Variants in CEP250 observed in about 807,000 individuals in gnomAD.
The protein encoded by CEP250 is centrosomal protein 250.
In CEP250, 242 loss-of-function variants were observed where a neutral mutation model predicts 315.7. The observed-to-expected ratio is 0.77, with a 90% CI of 0.69 to 0.85. The LOEUF (loss-of-function observed/expected upper bound fraction) is 0.85, where lower values mean the gene tolerates loss of function less well. CEP250 is among the 40% of genes least tolerant of loss of function. The probability of loss-of-function intolerance (pLI) is 0.00; values close to 1 mark genes in which losing one functional copy is unlikely to be tolerated. For missense variants in CEP250, 2,515 were observed against 2,886.4 expected (o/e 0.87, Z 2.95); for synonymous variants, 1,088 against 1,175.0 (o/e 0.93, Z 1.51).
intron 24 of CEP250, among the ~76,000 whole-genome samples, chr20:35,496,330 C>CT (rs907277490): frequency 1.3e-5 from 2 of 151,732 alleles, no homozygotes; most frequent in African/African-American, 4.8e-5. Context: ...GAGCAAGACT[C>CT]TGTCTCAATA....
At chr20:35,499,900 A>T (rs2063953633) in intron 27 of CEP250, 149 bp from the exon 28 acceptor site, 1 of 871,724 alleles carries the variant, frequency 1.1e-6, no homozygotes, top group Non-Finnish European at 1.8e-6. Flanking sequence ...CTAAATACAC[A>T]TGTGTTTAAA....
At chr20:35,505,151 G>C (rs1193124002) in intron 30 of CEP250, 146 bp downstream of exon 30, 14 of 670,070 alleles carry the variant, frequency 2.1e-5, no homozygotes, top group Non-Finnish European at 3.5e-5. Flanking sequence ...TGGGATTCAG[G>C]CTACTGTGCT....
chr20:35,482,114 G>A (rs1216255206), intron 20 of CEP250, among the ~76,000 whole-genome samples: 1 of 151,632 alleles, frequency 6.6e-6, no homozygotes, highest in Non-Finnish European at 1.5e-5. Context: ...GATTCACTAA[G>A]TAAAACATTC....
intron 7 of CEP250, among the ~76,000 whole-genome samples, chr20:35,466,740 C>T (rs17332368): frequency 0.023 from 3,479 of 152,286 alleles, 60 homozygotes; most frequent in Non-Finnish European, 0.035. Flanking sequence ...CTTTTCTAAT[C>T]TGGCCCAGAG....
intron 9 of CEP250, among the ~76,000 whole-genome samples, chr20:35,467,941 C>CTT (rs1421312559): frequency 5.1e-5 from 6 of 118,448 alleles, no homozygotes; most frequent in African/African-American, 2.3e-4. Flanking sequence ...CAAATATTAC[C>CTT]TCTTTTTTTT....
intron 11 of CEP250, 91 bp from the exon 12 acceptor site, chr20:35,472,582 C>T: frequency 2.3e-6 from 3 of 1,306,568 alleles, no homozygotes; most frequent in Non-Finnish European, 3.2e-6. Context: ...AGAAGGAAAA[C>T]ATCAGGTTTG....
At chr20:35,472,636 G>T (rs2063053548) in intron 11 of CEP250, 37 bp from the exon 12 acceptor site, 1 of 1,611,020 alleles carries the variant, frequency 6.2e-7, no homozygotes, top group Admixed American at 1.7e-5. Context: ...CTAGGCTTTG[G>T]TCAGTAGGGT....
chr20:35,494,582 A>G lies in CEP250; in HGVS notation c.3092A>G (p.Gln1031Arg), dbSNP rs754685691. The G allele has an allele frequency of 6.2e-7, 1 of 1,614,156 alleles. No homozygotes were observed. Among genetic ancestry groups the G allele is most frequent in the Non-Finnish European group, 8.5e-7 (1 of 1,180,024 alleles). Reference sequence around the variant, plus strand: ...GATGACTCCCAGAGGCTGGTGGAGCAGGAGGTTCAGGAGAAGCTGAGAGAG... The same window carrying G: ...GATGACTCCCAGAGGCTGGTGGAGCGGGAGGTTCAGGAGAAGCTGAGAGAG... ...AQDDSQRLVE[Q>R]EVQEKLRETQ... is the part of the protein sequence containing the mutation. The change falls in exon 24 of 35, where the codon CAG becomes CGG. Residue 1031 changes from glutamine to arginine, a missense_variant. Coordinates refer to ENST00000397527, the MANE Select transcript of CEP250 (RefSeq NM_007186.6).
chr20:35,482,788 C>T (rs2063388844), intron 20 of CEP250, among the ~76,000 whole-genome samples: 2 of 147,000 alleles, frequency 1.4e-5, no homozygotes, highest in South Asian at 4.4e-4. Flanking sequence ...TCTCAAACTC[C>T]TGGGCTCAAG....
intron 4 of CEP250, among the ~76,000 whole-genome samples, chr20:35,462,836 G>A (rs1271772954): frequency 6.6e-6 from 1 of 152,186 alleles, no homozygotes; most frequent in African/African-American, 2.4e-5. Flanking sequence ...ATCACAGATC[G>A]CTGCAGCCTC....
chr20:35,463,966 G>C (rs1239658075), intron 5 of CEP250, among the ~76,000 whole-genome samples: 1 of 152,164 alleles, frequency 6.6e-6, no homozygotes, highest in East Asian at 1.9e-4. Flanking sequence ...TGCAGCAAAG[G>C]GATGTCTGTG....
At chr20:35,459,907 G>A (rs527488026) in intron 2 of CEP250, 76 bp from the exon 3 acceptor site, 1 of 152,196 alleles carries the variant, frequency 6.6e-6, no homozygotes, top group South Asian at 2.1e-4. Context: ...GCAAAAGCCC[G>A]GCTCAGCCCT....
intron 30 of CEP250, among the ~76,000 whole-genome samples, chr20:35,506,708 A>G (rs1238662793): frequency 6.6e-6 from 1 of 152,142 alleles, no homozygotes; most frequent in African/African-American, 2.4e-5. Context: ...CAGGGTTTGA[A>G]ATACAGTAGT....
Position 35,503,695 on chromosome 20 carries a change from C to G in CEP250, c.5326C>G (p.Arg1776Gly), listed in dbSNP as rs370975030. 6.2e-7 allele frequency: 1 copy of G among 1,614,036 alleles called. No individual in the cohort carries two copies. Among genetic ancestry groups the G allele is most frequent in the Non-Finnish European group, 8.5e-7 (1 of 1,179,988 alleles). ...VGETSLLLSQ[R>G]EQEIVVLQQQ... ...TGAGACCAGCCTCCTCCTGTCCCAG[C>G]GAGAGCAGGAAATAGTGGTCCTGCA... The change falls in exon 30 of 35, where the codon CGA becomes GGA. Residue 1776 changes from arginine to glycine, a missense_variant. Arg to Gly is a moderately radical substitution (Grantham distance 125). Coordinates refer to ENST00000397527, the MANE Select transcript of CEP250 (RefSeq NM_007186.6). This position sits in a 1 kb window ranked among gnomAD's most constrained non-coding sequence, Gnocchi z 4.2.
chr20:35,492,786 G>A (rs2063733565), intron 22 of CEP250, among the ~76,000 whole-genome samples: 1 of 152,164 alleles, frequency 6.6e-6, no homozygotes, highest in Admixed American at 6.5e-5. Flanking sequence ...AGAGTGCGGT[G>A]GCACTATCTC....
chr20:35,498,208 GC>G, intron 26 of CEP250, 141 bp downstream of exon 26: 2 of 729,348 alleles, frequency 2.7e-6, no homozygotes, highest in Non-Finnish European at 4.3e-6. Context: ...CTGAGTTTAA[GC>G]CCCAGCTCTA....
intron 20 of CEP250, among the ~76,000 whole-genome samples, chr20:35,480,510 T>A (rs1470063672): frequency 6.6e-6 from 1 of 152,042 alleles, no homozygotes; most frequent in East Asian, 1.9e-4. Context: ...TGTAATTTAG[T>A]CCATTTGGTT....
At position 35,500,169 on chromosome 20, in the gene CEP250, G is replaced by A. The variant is rs1228038938; in HGVS notation, c.3898G>A (p.Glu1300Lys). 1 of 1,613,754 alleles carries A rather than the reference G, an allele frequency of 6.2e-7. No individual in the cohort carries two copies. Among genetic ancestry groups the A allele is most frequent in the Non-Finnish European group, 8.5e-7 (1 of 1,180,006 alleles). Residue 1300 changes from glutamate to lysine, a missense_variant and splice_region_variant, in exon 28 of 35, where the codon GAG becomes AAG. Transcript: ENST00000397527. ...LQRQLSQNQE[E>K]KSKWEGKQNS... ...GAGACAGCTCTCCCAGAATCAGGAA[G>A]GTGAGAAGCTCAAGACAGGCAGGGA...
chr20:35,495,793 G>T (rs927196574), intron 24 of CEP250, among the ~76,000 whole-genome samples: 3 of 151,962 alleles, frequency 2.0e-5, no homozygotes, highest in African/African-American at 7.3e-5. Context: ...GTTTGAGAAG[G>T]GACACATTAT....
Sources: allele counts gnomAD v4.1 joint callset (sites outside exome capture counted in the v4.1 genomes callset), GRCh38; gene constraint gnomAD v4.1.1; non-coding constraint Gnocchi (gnomAD v3.1); transcripts MANE v1.5; gene names NCBI Gene and HGNC (gene_info 2026-07-23, HGNC 2026-07-21).